The following RTN1 variants were observed in gnomAD, a reference collection of about 807,000 sequenced individuals.
RTN1 encodes the protein reticulon-1.
A neutral mutation model predicts 65.5 loss-of-function variants in RTN1; 25 were observed. The ratio of observed to expected loss-of-function variants is 0.38; its 90% CI spans 0.28 to 0.53. The LOEUF is 0.53. Among genes scored for constraint, RTN1 ranks in the 20% least tolerant of loss-of-function variants. The pLI is 0.79. For synonymous variants in RTN1, 471 were observed against 447.6 expected (o/e 1.05, Z -0.66); for missense variants, 983 against 1,025.4 (o/e 0.96, Z 0.57).
intron 3 of RTN1, chr14:59,630,376 A>T: frequency 6.2e-7 from 1 of 1,600,302 alleles, no homozygotes; most frequent in Non-Finnish European, 8.6e-7. Context: ...GAAATGATGC[A>T]CAATGGACGA....
chr14:59,779,601 G>T (rs770364684), intron 1 of RTN1, among the ~76,000 whole-genome samples: 1 of 151,894 alleles, frequency 6.6e-6, no homozygotes, highest in Non-Finnish European at 1.5e-5. Flanking sequence ...AATGGAAAAC[G>T]ATTCCTAGCA....
At chr14:59,787,270 C>T (rs999473594) in intron 1 of RTN1, among the ~76,000 whole-genome samples, 6 of 152,094 alleles carry the variant, frequency 3.9e-5, no homozygotes, top group Non-Finnish European at 7.4e-5. Flanking sequence ...CCTCCTGCTG[C>T]GGTGGGGGCT....
intron 8 of RTN1, among the ~76,000 whole-genome samples, chr14:59,600,335 A>T (rs1239284324): frequency 4.6e-5 from 7 of 152,206 alleles, no homozygotes; most frequent in Non-Finnish European, 1.0e-4. Context: ...TACTTTACAG[A>T]CATTACCTCA....
intron 1 of RTN1, among the ~76,000 whole-genome samples, chr14:59,754,629 C>T (rs1364788922): frequency 6.6e-6 from 1 of 152,098 alleles, no homozygotes; most frequent in African/African-American, 2.4e-5. Flanking sequence ...TGAGATAATG[C>T]CCTTAGATCT....
chr14:59,680,632 A>T (rs969517839), intron 3 of RTN1, among the ~76,000 whole-genome samples: 2 of 152,200 alleles, frequency 1.3e-5, no homozygotes, highest in Non-Finnish European at 1.5e-5. Context: ...TCTAAAACAC[A>T]ATTTGGCAAT....
intron 1 of RTN1, among the ~76,000 whole-genome samples, chr14:59,815,563 TC>T (rs1886805393): frequency 6.6e-6 from 1 of 152,182 alleles, no homozygotes; most frequent in Non-Finnish European, 1.5e-5. Context: ...ACTTTCTCAG[TC>T]TGACCGAAAG....
At chr14:59,743,178 T>C (rs910135850) in intron 2 of RTN1, among the ~76,000 whole-genome samples, 1 of 152,228 alleles carries the variant, frequency 6.6e-6, no homozygotes, top group East Asian at 1.9e-4. Flanking sequence ...TCCAATATCA[T>C]GTGAGCCAGA....
intron 1 of RTN1, among the ~76,000 whole-genome samples, chr14:59,822,681 G>C (rs562466131): frequency 1.3e-5 from 2 of 152,236 alleles, no homozygotes; most frequent in South Asian, 2.1e-4. Context: ...CATTGCTTTA[G>C]CTGTATCCCA....
intron 3 of RTN1, among the ~76,000 whole-genome samples, chr14:59,678,918 C>T (rs1196391056): frequency 6.6e-6 from 1 of 152,176 alleles, no homozygotes; most frequent in African/African-American, 2.4e-5. Flanking sequence ...CCAGGTAATT[C>T]TTATGCACAT....
At chr14:59,736,599 AAAG>A (rs1401756572) in intron 2 of RTN1, among the ~76,000 whole-genome samples, 5 of 152,330 alleles carry the variant, frequency 3.3e-5, no homozygotes, top group Admixed American at 2.0e-4. Context: ...CCAGAGGTAT[AAAG>A]AAGAGCTGGT....
At chr14:59,853,475 T>C (rs1304645853) in intron 1 of RTN1, among the ~76,000 whole-genome samples, 1 of 152,170 alleles carries the variant, frequency 6.6e-6, no homozygotes, top group East Asian at 1.9e-4. Flanking sequence ...TAACCCATCC[T>C]ATCTTCTTTT....
intron 3 of RTN1, among the ~76,000 whole-genome samples, chr14:59,624,306 A>C (rs1030895561): frequency 2.0e-5 from 3 of 152,344 alleles, no homozygotes; most frequent in South Asian, 4.1e-4. Flanking sequence ...AGTTTGGAAT[A>C]TAATTTTAAT....
intron 1 of RTN1, among the ~76,000 whole-genome samples, chr14:59,865,949 T>C (rs533729795): frequency 6.6e-6 from 1 of 152,302 alleles, no homozygotes; most frequent in African/African-American, 2.4e-5. Context: ...TTTTCACAGC[T>C]AGACAAAAAG....
chr14:59,700,420 C>T (rs1318521548), intron 3 of RTN1, among the ~76,000 whole-genome samples: 1 of 152,056 alleles, frequency 6.6e-6, no homozygotes, highest in African/African-American at 2.4e-5. Flanking sequence ...ATAGTCAAAA[C>T]AATATTGAGA....
rs183428630 is a variant in RTN1 at position 59,685,765 on chromosome 14, C to T, written c.1765+41154G>A. Among the ~76,000 whole-genome samples, 30 of 152,268 alleles carry T rather than the reference C, an allele frequency of 2.0e-4. No individual in the cohort carries two copies. In the East Asian group the frequency reaches 5.6e-3, roughly 28 times the overall value. On this transcript the variant is annotated intron_variant, in intron 3 of 8. Transcript: ENST00000267484. ...CCAAAAGCAGTCTACAGATTCAACA[C>T]AATCCCTGTCAAAATACCAATGACC...
chr14:59,832,839 G>A (rs887407961), intron 1 of RTN1, among the ~76,000 whole-genome samples: 1 of 152,134 alleles, frequency 6.6e-6, no homozygotes, highest in Admixed American at 6.5e-5. Context: ...AGGTTCCGGA[G>A]ATTTATGATC....
chr14:59,819,754 G>A (rs1886905039), intron 1 of RTN1, among the ~76,000 whole-genome samples: 1 of 152,152 alleles, frequency 6.6e-6, no homozygotes, highest in Non-Finnish European at 1.5e-5. Context: ...TTCGAGCACT[G>A]CGCGGGGAGG....
chr14:59,852,968 A>G (rs917128426), intron 1 of RTN1, among the ~76,000 whole-genome samples: 4 of 152,196 alleles, frequency 2.6e-5, no homozygotes, highest in Non-Finnish European at 5.9e-5. Flanking sequence ...TATATATTAA[A>G]CGCTTAATAA....
chr14:59,738,761 T>A (rs766111638), intron 2 of RTN1, among the ~76,000 whole-genome samples: 1 of 152,162 alleles, frequency 6.6e-6, no homozygotes, highest in African/African-American at 2.4e-5. Flanking sequence ...CAAATGCTCA[T>A]CAATGATAGA....
Sources: gnomAD v4.1 joint callset for allele counts (sites outside exome capture counted in the v4.1 genomes callset) on GRCh38, gnomAD v4.1.1 for gene constraint, MANE v1.5 for transcripts, NCBI Gene and HGNC (gene_info 2026-07-23, HGNC 2026-07-21) for gene names.